Variants in CACNA2D4 observed in about 807,000 individuals in gnomAD.
CACNA2D4 encodes voltage-dependent calcium channel subunit alpha-2/delta-4.
In CACNA2D4, 157 loss-of-function variants were observed where a neutral mutation model predicts 163.8. That is an observed-to-expected ratio of 0.96 (90% CI 0.84 to 1.09). The LOEUF (loss-of-function observed/expected upper bound fraction) is 1.09. Among genes scored for constraint, CACNA2D4 ranks in the 50% least tolerant of loss-of-function variants. CACNA2D4 has a pLI of 0.00. For synonymous variants in CACNA2D4, 598 were observed against 586.9 expected (o/e 1.02, Z -0.27); for missense variants, 1,410 against 1,479.9 (o/e 0.95, Z 0.78).
chr12:1,907,932 G>A lies in CACNA2D4; in HGVS notation c.592C>T (p.Leu198=). 6.2e-7 allele frequency: 1 copy of A among 1,614,088 alleles called. No homozygotes were observed. Among genetic ancestry groups the A allele is most frequent in the East Asian group, 2.2e-5 (1 of 44,886 alleles). ...CTGCTGATGGAGGTGTTCACCGGCA[G>A]GTTGCTGAAGTGAGCATTGGACTCC... The part of the protein sequence containing the change: ...LLESNAHFSN[L]PVNTSISSVQ... The change falls in exon 5 of 38, where the codon CTG becomes TTG. Residue 198 remains leucine (L), a synonymous_variant. Transcript: ENST00000382722.
At chr12:1,801,677 G>C in intron 29 of CACNA2D4, 33 bp from the exon 30 acceptor site, 1 of 1,437,780 alleles carries the variant, frequency 7.0e-7, no homozygotes, top group East Asian at 2.4e-5. Context: ...AGAGAGGGAG[G>C]GAGAGAGATG....
intron 13 of CACNA2D4, among the ~76,000 whole-genome samples, chr12:1,882,047 G>A (rs1264227972): frequency 6.6e-6 from 1 of 152,176 alleles, no homozygotes; most frequent in Non-Finnish European, 1.5e-5. Flanking sequence ...TCCCTCACAG[G>A]GGCGAAGTAT....
chr12:1,856,023 G>A lies in CACNA2D4; in HGVS notation c.2141C>T (p.Pro714Leu). ...AMIRFLTRKD[P>L]DLECDEELVR... is the part of the protein sequence containing the mutation. ...CGGCCAGCACTCACACTCCAGGTCT[G>A]GGTCCTTCCTGGTGAGGAAGCGGAT... The change falls in exon 22 of 38, where the codon CCA becomes CTA. Residue 714 changes from proline to leucine, a missense_variant. Pro to Leu is a moderately conservative substitution (Grantham distance 98). Coordinates refer to ENST00000382722, the MANE Select transcript of CACNA2D4 (RefSeq NM_172364.5). 6.2e-6 allele frequency: 10 copies of A among 1,613,578 alleles called. No individual in the cohort carries two copies. Among genetic ancestry groups the A allele is most frequent in the Non-Finnish European group, 8.5e-6 (10 of 1,179,500 alleles).
At chr12:1,901,568 T>C (rs566539350) in intron 6 of CACNA2D4, among the ~76,000 whole-genome samples, 6 of 152,142 alleles carry the variant, frequency 3.9e-5, no homozygotes, top group African/African-American at 1.4e-4. Context: ...AGCAAATATA[T>C]GCCAATAAAT....
In CACNA2D4 at chr12:1,800,447, G is replaced by C. The variant is rs200330264; in HGVS notation, c.2869-9C>G. The C allele has an allele frequency of 5.0e-6, 8 of 1,613,748 alleles. No individual in the cohort carries two copies. Among genetic ancestry groups the C allele is most frequent in the Non-Finnish European group, 6.8e-6 (8 of 1,179,776 alleles). On this transcript the variant is annotated splice_polypyrimidine_tract_variant and intron_variant, in intron 31 of 37. Transcript: ENST00000382722. ...AAGAAGGCAGAAATTGGCTGGGAAG[G>C]AGAGAGTGCACACCGCTCGCACCTA...
chr12:1,796,855 C>T (rs1863143899), intron 35 of CACNA2D4, among the ~76,000 whole-genome samples: 1 of 152,200 alleles, frequency 6.6e-6, no homozygotes, highest in Non-Finnish European at 1.5e-5. Flanking sequence ...TTCCGCGCGG[C>T]CTCCCTGCCT....
chr12:1,907,604 A>C (rs1427517655), intron 5 of CACNA2D4, 33 bp from the exon 6 acceptor site: 1 of 1,591,988 alleles, frequency 6.3e-7, no homozygotes, highest in African/African-American at 1.3e-5. Context: ...ATGATCCTGT[A>C]GAACTTCTCA....
At position 1,844,400 on chromosome 12, in the gene CACNA2D4, A is replaced by G. The variant is rs754314973; in HGVS notation, c.2470+2T>C. The stretch of plus-strand genomic sequence containing the variant: ...CCCCGGGAGCACCGGGCTGTGTGTT[A>G]CCTGGTCCTTCTGCCCAGCGGAGGT... On this transcript the variant is annotated splice_donor_variant, in intron 25 of 37. Coordinates refer to ENST00000382722, the MANE Select transcript of CACNA2D4 (RefSeq NM_172364.5). LOFTEE classifies it high-confidence loss of function. This position sits in a 1 kb window ranked among gnomAD's most constrained non-coding sequence, Gnocchi z 4.2. 21 of 1,613,196 alleles carry G rather than the reference A, an allele frequency of 1.3e-5. No homozygotes were observed. The highest frequency in any genetic ancestry group is 1.7e-5 in the Admixed American group (1 of 59,954).
intron 2 of CACNA2D4, 41 bp downstream of exon 2, chr12:1,914,813 C>T (rs748876802): frequency 2.8e-6 from 4 of 1,414,020 alleles, no homozygotes; most frequent in Admixed American, 3.4e-5. Flanking sequence ...GGCTGACTGC[C>T]CTCTGCCACC....
chr12:1,811,496 G>A (rs1278235832), intron 27 of CACNA2D4, among the ~76,000 whole-genome samples, 166 bp downstream of exon 27: 1 of 152,200 alleles, frequency 6.6e-6, no homozygotes, highest in African/African-American at 2.4e-5. Context: ...CAGCGCTGAG[G>A]CCCGGCCTGC....
chr12:1,797,338 C>T, intron 35 of CACNA2D4, 80 bp downstream of exon 35: 2 of 1,066,314 alleles, frequency 1.9e-6, no homozygotes, highest in Admixed American at 2.0e-5. Flanking sequence ...CCCGGGGGTT[C>T]CGGGGCCCTG....
At position 1,875,713 on chromosome 12, in the gene CACNA2D4, G is replaced by T. The variant is rs1449540450; in HGVS notation, c.1720-376C>A. ...TCCTTCTTTCCCCTGGAGCTGCATAGAATGTGTTCCACCTGACAGCCCCTG... is the reference window on the plus strand; with the variant it reads ...TCCTTCTTTCCCCTGGAGCTGCATATAATGTGTTCCACCTGACAGCCCCTG... On this transcript the variant is annotated intron_variant, in intron 16 of 37. Coordinates refer to ENST00000382722, the MANE Select transcript of CACNA2D4 (RefSeq NM_172364.5). This position sits in a 1 kb window ranked among gnomAD's most constrained non-coding sequence, Gnocchi z 4.0. 2.0e-5 allele frequency among the ~76,000 whole-genome samples: 3 copies of T among 152,200 alleles called. No individual in the cohort carries two copies. Among genetic ancestry groups the T allele is most frequent in the Non-Finnish European group, 4.4e-5 (3 of 68,044 alleles).
chr12:1,869,132 C>T lies in CACNA2D4; in HGVS notation c.1878+5472G>A, dbSNP rs1234903716. ...CAGGTCTAAAGCAAGAAAAAAATTC[C>T]TGTTTGGTTCTTATAATGATTTTGT... On this transcript the variant is annotated intron_variant, in intron 18 of 37. Transcript: ENST00000382722. This position sits in a 1 kb window ranked among gnomAD's most constrained non-coding sequence, Gnocchi z 4.7. Among the ~76,000 whole-genome samples, 1 of 152,130 alleles carries T rather than the reference C, an allele frequency of 6.6e-6. No individual in the cohort carries two copies. The highest frequency in any genetic ancestry group is 1.5e-5 in the Non-Finnish European group (1 of 68,024).
intron 23 of CACNA2D4, among the ~76,000 whole-genome samples, chr12:1,850,199 G>A (rs1026518308): frequency 2.0e-5 from 3 of 152,174 alleles, no homozygotes; most frequent in Admixed American, 6.5e-5. Context: ...CACAATCTAC[G>A]AGTGCCTGAC....
rs986834018 is a variant in CACNA2D4, at chr12:1,869,289, A to C, written c.1878+5315T>G. Among the ~76,000 whole-genome samples, 1 of 152,220 alleles carries C rather than the reference A, an allele frequency of 6.6e-6. No homozygotes were observed. Among genetic ancestry groups the C allele is most frequent in the African/African-American group, 2.4e-5 (1 of 41,458 alleles). ...AAGTGCAGCAGTAGCCGTTTTGCAC[A>C]CTGAAGTCCGCACAGAATACCAGGC... On this transcript the variant is annotated intron_variant, in intron 18 of 37. Transcript: ENST00000382722. This position sits in a 1 kb window ranked among gnomAD's most constrained non-coding sequence, Gnocchi z 4.7.
Position 1,799,598 on chromosome 12 carries a change from G to A in CACNA2D4, c.2995+77C>T. 1 of 1,459,588 alleles carries A rather than the reference G, an allele frequency of 6.9e-7. No homozygotes were observed. Among genetic ancestry groups the A allele is most frequent in the Non-Finnish European group, 9.4e-7 (1 of 1,063,880 alleles). The allele number at this position is 1,459,588 out of a possible 1,614,324, so 90.4% of individuals were successfully genotyped here. On this transcript the variant is annotated intron_variant, in intron 34 of 37. Transcript: ENST00000382722. This position sits in a 1 kb window ranked among gnomAD's most constrained non-coding sequence, Gnocchi z 4.7. ...TGGGGTCATTCCTGGGACAGGTCAT[G>A]GAGGGTGGGTTCTTTGTAGCTCCTG...
chr12:1,896,848 G>A (rs866923262), intron 6 of CACNA2D4, among the ~76,000 whole-genome samples: 2 of 152,094 alleles, frequency 1.3e-5, no homozygotes, highest in Non-Finnish European at 2.9e-5. Flanking sequence ...TACCTGCACT[G>A]GCATCTTTAT....
In CACNA2D4 at chr12:1,833,565, C is replaced by T. The variant is rs188542233; in HGVS notation, c.2551+7174G>A. The stretch of plus-strand genomic sequence containing the variant: ...TGGCCTCGTGTGCCTCCAGGATTCC[C>T]CCTCCAGATGCCTTTGTACTTACAG... On this transcript the variant is annotated intron_variant, in intron 26 of 37. Transcript: ENST00000382722. This position sits in a 1 kb window ranked among gnomAD's most constrained non-coding sequence, Gnocchi z 4.2. Among the ~76,000 whole-genome samples the T allele has an allele frequency of 6.6e-6, 1 of 152,280 alleles. No individual in the cohort carries two copies. Among genetic ancestry groups the T allele is most frequent in the African/African-American group, 2.4e-5 (1 of 41,550 alleles).
intron 13 of CACNA2D4, among the ~76,000 whole-genome samples, chr12:1,880,671 T>C (rs1340694993): frequency 1.3e-5 from 2 of 152,270 alleles, no homozygotes; most frequent in African/African-American, 4.8e-5. Flanking sequence ...AAGTCCACAG[T>C]TGACTTTCTT....
Sources: allele counts gnomAD v4.1 joint callset (sites outside exome capture counted in the v4.1 genomes callset), GRCh38; gene constraint gnomAD v4.1.1; non-coding constraint Gnocchi (gnomAD v3.1); transcripts MANE v1.5; gene names NCBI Gene and HGNC (gene_info 2026-07-23, HGNC 2026-07-21).